The following KATNAL2 variants were observed in gnomAD, a reference collection of about 807,000 sequenced individuals.
The protein encoded by KATNAL2 is katanin p60 ATPase-containing subunit A-like 2.
A neutral mutation model predicts 76.3 loss-of-function variants in KATNAL2; 52 were observed. The ratio of observed to expected loss-of-function variants is 0.68; its 90% confidence interval spans 0.55 to 0.86. KATNAL2 has a LOEUF of 0.86. Among genes scored for constraint, KATNAL2 ranks in the 40% least tolerant of loss-of-function variants. KATNAL2 has a pLI of 0.00. For missense variants in KATNAL2, 660 were observed against 668.9 expected (o/e 0.99, Z 0.15); for synonymous variants, 243 against 244.2 (o/e 1.00, Z 0.05).
In KATNAL2 at chr18:47,054,413, C is replaced by T. The variant is rs781328570; in HGVS notation, c.307C>T (p.Gln103Ter). Residue 103 changes from glutamine to a stop codon, truncating the protein, a stop_gained, in exon 6 of 18, where the codon CAA becomes TAA. Transcript: ENST00000683218. LOFTEE classifies it high-confidence loss of function. ...SSDTAENNLP[Q>*]RSRGKTRRMM... ...TGTCACAGCAGAAAATAATTTACCG[C>T]AAAGAAGTAGAGGGAAGACCAGAAG... 2 of 1,613,414 alleles carry T rather than the reference C, an allele frequency of 1.2e-6. No homozygotes were observed. Among genetic ancestry groups the T allele is most frequent in the Admixed American group, 3.3e-5 (2 of 59,996 alleles).
intron 15 of KATNAL2, among the ~76,000 whole-genome samples, chr18:47,096,180 A>G (rs1357945292): frequency 1.3e-5 from 2 of 152,146 alleles, no homozygotes; most frequent in East Asian, 1.9e-4. Flanking sequence ...TAGGATTCAG[A>G]TATGTTCCCT....
At chr18:46,931,374 G>C (rs2058917272) in intron 1 of KATNAL2, among the ~76,000 whole-genome samples, 1 of 151,854 alleles carries the variant, frequency 6.6e-6, no homozygotes, top group Non-Finnish European at 1.5e-5. Context: ...TAAAAAGGCA[G>C]GGTGTGGTGG....
At chr18:47,098,986 T>G in intron 15 of KATNAL2, 2 of 350,652 alleles carry the variant, frequency 5.7e-6, no homozygotes, top group East Asian at 4.7e-5. Flanking sequence ...TTTTCTTCCA[T>G]TCATCCTTCC....
At chr18:46,928,358 CCT>C (rs1317927624) in intron 1 of KATNAL2, among the ~76,000 whole-genome samples, 4 of 152,150 alleles carry the variant, frequency 2.6e-5, no homozygotes, top group Non-Finnish European at 5.9e-5. Flanking sequence ...CACTCCAGAC[CCT>C]GTTTGCCTGG....
intron 7 of KATNAL2, 92 bp downstream of exon 7, chr18:47,058,444 C>A: frequency 1.3e-6 from 1 of 740,912 alleles, no homozygotes; most frequent in Non-Finnish European, 2.3e-6. Context: ...TTTTGAGGAC[C>A]TACGCTTTTA....
intron 15 of KATNAL2, among the ~76,000 whole-genome samples, chr18:47,088,153 C>A (rs560933696): frequency 6.6e-6 from 1 of 152,150 alleles, no homozygotes; most frequent in African/African-American, 2.4e-5. Flanking sequence ...CTTTGGCTAG[C>A]GAGAGCAGGC....
intron 15 of KATNAL2, among the ~76,000 whole-genome samples, chr18:47,092,055 T>C (rs1296712072): frequency 1.3e-5 from 2 of 152,154 alleles, no homozygotes; most frequent in Admixed American, 6.5e-5. Flanking sequence ...CAACCCTCCA[T>C]ATTACTGCCT....
Position 47,067,124 on chromosome 18 carries a change from G to A in KATNAL2, c.825+5G>A, listed in dbSNP as rs375960535. On this transcript the variant is annotated splice_donor_5th_base_variant and intron_variant, in intron 11 of 17. Coordinates refer to ENST00000683218, the MANE Select transcript of KATNAL2 (RefSeq NM_001387690.1). The stretch of plus-strand genomic sequence containing the variant: ...GCTGTTGTGTATCCTATAAGGGTAA[G>A]GACGGGAAGCCTCTTGGGGGTTATT... 1.3e-6 allele frequency: 2 copies of A among 1,498,704 alleles called. No individual in the cohort carries two copies. Among genetic ancestry groups the A allele is most frequent in the African/African-American group, 2.7e-5 (2 of 73,036 alleles). 92.8% of individuals were successfully genotyped at this position (1,498,704 alleles called of 1,614,324 possible).
At chr18:46,924,251 T>C (rs2058661976) in intron 1 of KATNAL2, among the ~76,000 whole-genome samples, 1 of 152,246 alleles carries the variant, frequency 6.6e-6, no homozygotes, top group Non-Finnish European at 1.5e-5. Context: ...TTTATTTTTG[T>C]ATAAGGTGTA....
intron 1 of KATNAL2, among the ~76,000 whole-genome samples, chr18:46,939,632 T>C (rs1042758189): frequency 2.6e-5 from 4 of 152,306 alleles, no homozygotes; most frequent in Admixed American, 6.5e-5. Context: ...CCACAGTTGA[T>C]TTGATTTGAA....
intron 15 of KATNAL2, among the ~76,000 whole-genome samples, chr18:47,087,921 T>C (rs533391793): frequency 7.9e-5 from 12 of 152,164 alleles, no homozygotes; most frequent in Non-Finnish European, 1.5e-4. Flanking sequence ...TAAAACTCCA[T>C]TGTATGTGTG....
intron 11 of KATNAL2, 43 bp downstream of exon 11, chr18:47,067,162 C>T: frequency 1.0e-6 from 1 of 980,630 alleles, no homozygotes; most frequent in Middle Eastern, 2.2e-4. Flanking sequence ...TGTTCACTAT[C>T]CATTGGACAA....
chr18:46,922,396 C>T (rs1419684097), intron 1 of KATNAL2, among the ~76,000 whole-genome samples: 1 of 152,004 alleles, frequency 6.6e-6, no homozygotes, highest in South Asian at 2.1e-4. Context: ...TGCTCCCGGC[C>T]TCAACTTTTT....
intron 8 of KATNAL2, among the ~76,000 whole-genome samples, chr18:47,060,327 G>A (rs902574842): frequency 3.9e-5 from 6 of 152,106 alleles, no homozygotes. Flanking sequence ...CCTGTCAGTG[G>A]CATTTGATTA....
intron 10 of KATNAL2, among the ~76,000 whole-genome samples, chr18:47,066,341 A>G (rs934349535): frequency 6.6e-6 from 1 of 152,162 alleles, no homozygotes; most frequent in Non-Finnish European, 1.5e-5. Context: ...ACTGTAAATT[A>G]GTTATCAGTA....
At chr18:47,058,925 T>A (rs766181725) in intron 7 of KATNAL2, among the ~76,000 whole-genome samples, 1 of 152,114 alleles carries the variant, frequency 6.6e-6, no homozygotes, top group African/African-American at 2.4e-5. Context: ...GAGAAGTCAA[T>A]GGCTCCTGAC....
At chr18:47,070,878 T>C (rs1189697182) in intron 13 of KATNAL2, among the ~76,000 whole-genome samples, 1 of 152,210 alleles carries the variant, frequency 6.6e-6, no homozygotes, top group African/African-American at 2.4e-5. Flanking sequence ...ATTTCTTTGT[T>C]CTTCATCTTG....
intron 4 of KATNAL2, 58 bp from the exon 5 acceptor site, chr18:47,052,822 T>C (rs974068147): frequency 7.6e-7 from 1 of 1,314,646 alleles, no homozygotes; most frequent in Non-Finnish European, 1.0e-6. Context: ...TAATGCCTGT[T>C]AGCCATTATT....
At position 47,039,929 on chromosome 18, in the gene KATNAL2, A is replaced by G. The variant is rs541769650; in HGVS notation, c.52-6528A>G. Among the ~76,000 whole-genome samples the G allele has an allele frequency of 1.1e-4, 16 of 152,340 alleles. No individual in the cohort carries two copies. In the South Asian group the frequency reaches 3.1e-3, roughly 30 times the overall value. On this transcript the variant is annotated intron_variant, in intron 3 of 17. Transcript: ENST00000683218. ...GAACCTCTAATATGGAGGGATATGG[A>G]CATTGTTAGAAATGGGACCAGTCAG...
Sources: gnomAD v4.1 joint callset for allele counts (sites outside exome capture counted in the v4.1 genomes callset) on GRCh38, gnomAD v4.1.1 for gene constraint, MANE v1.5 for transcripts, NCBI Gene and HGNC (gene_info 2026-07-23, HGNC 2026-07-21) for gene names.